IL23R: variants seen among roughly 807,000 people sequenced by gnomAD.
IL23R encodes interleukin-23 receptor.
In IL23R, 34 loss-of-function variants were observed where a neutral mutation model predicts 56.9. The observed-to-expected ratio is 0.60, with a 90% CI of 0.45 to 0.80. IL23R has a LOEUF of 0.80. Ranked by LOEUF, IL23R falls within the 30% of genes least tolerant of loss-of-function variation. The pLI is 0.00. For missense variants in IL23R, 635 were observed against 730.0 expected (o/e 0.87, Z 1.50); for synonymous variants, 230 against 249.2 (o/e 0.92, Z 0.73).
chr1:67,241,365 C>T (rs936623245), intron 9 of IL23R, among the ~76,000 whole-genome samples: 2 of 152,170 alleles, frequency 1.3e-5, no homozygotes, highest in Non-Finnish European at 2.9e-5. Context: ...CTATGTGTTT[C>T]CTTAAAGTCT....
chr1:67,139,166 G>A (rs1646611447), intron 1 of IL23R: 1 of 152,300 alleles, frequency 6.6e-6, no homozygotes, highest in Non-Finnish European at 1.5e-5. Context: ...GATCCAGTAA[G>A]TTCTCTTTGT....
intron 7 of IL23R, among the ~76,000 whole-genome samples, chr1:67,233,832 A>T (rs1482095005): frequency 6.6e-6 from 1 of 150,594 alleles, no homozygotes; most frequent in Non-Finnish European, 1.5e-5. Flanking sequence ...CAAACACCAA[A>T]TACAGTAAGA....
At chr1:67,169,239 T>C in intron 2 of IL23R, 103 bp from the exon 3 acceptor site, 1 of 883,212 alleles carries the variant, frequency 1.1e-6, no homozygotes, top group Non-Finnish European at 1.8e-6. Flanking sequence ...ATGGAATCAT[T>C]TAGTTAATAG....
At chr1:67,197,857 G>C (rs1648281956) in intron 4 of IL23R, among the ~76,000 whole-genome samples, 1 of 151,998 alleles carries the variant, frequency 6.6e-6, no homozygotes, top group Admixed American at 6.6e-5. Flanking sequence ...GACCTCCTGA[G>C]CCTGGGAGGT....
chr1:67,173,476 G>A (rs992600155), intron 3 of IL23R, among the ~76,000 whole-genome samples: 2 of 151,994 alleles, frequency 1.3e-5, no homozygotes, highest in African/African-American at 4.8e-5. Flanking sequence ...AATCAATGAG[G>A]GACCACAACT....
chr1:67,205,908 T>TTTCC (rs1648990968), intron 5 of IL23R, among the ~76,000 whole-genome samples: 1 of 122,610 alleles, frequency 8.2e-6, no homozygotes, highest in South Asian at 2.5e-4. Context: ...TCTTTCTTTC[T>TTTCC]TTCTTTCTTT....
chr1:67,207,197 T>C, intron 6 of IL23R, 142 bp downstream of exon 6: 1 of 970,272 alleles, frequency 1.0e-6, no homozygotes, highest in Non-Finnish European at 1.6e-6. Context: ...CTTTAGTTTT[T>C]GTTTTATAAT....
chr1:67,153,390 A>G (rs931855946), intron 1 of IL23R, among the ~76,000 whole-genome samples: 9 of 151,918 alleles, frequency 5.9e-5, no homozygotes, highest in Non-Finnish European at 1.5e-5. Context: ...AATTTTTCAG[A>G]AAATCAGCTC....
At chr1:67,166,609 AGTT>A (rs1336999424) in intron 1 of IL23R, 68 bp downstream of exon 1, 16 of 152,378 alleles carry the variant, frequency 1.1e-4, no homozygotes, top group Admixed American at 1.0e-3. Context: ...ACATGGGCCA[AGTT>A]GTTTTCTCTT....
chr1:67,237,251 G>A (rs1651544106), intron 8 of IL23R, among the ~76,000 whole-genome samples: 1 of 152,134 alleles, frequency 6.6e-6, no homozygotes, highest in Admixed American at 6.5e-5. Flanking sequence ...ATGTTAGCCA[G>A]ACTGGTCTTG....
chr1:67,203,172 T>G (rs377401235), intron 5 of IL23R, among the ~76,000 whole-genome samples: 1 of 152,234 alleles, frequency 6.6e-6, no homozygotes, highest in South Asian at 2.1e-4. Context: ...TCAATTTATT[T>G]AGCACCTTCT....
At chr1:67,259,965 G>GAAAAAAAAAAAAAAAAAAAAAAAAAA (rs372460431) in exon 11 of IL23R, 1 of 76,076 alleles carries the variant, frequency 1.3e-5, no homozygotes, top group African/African-American at 6.0e-5. Flanking sequence ...ACTCTGTCTG[G>GAAAAAAAAAAAAAAAAAAAAAAAAAA]AAAAAAAAAA....
intron 7 of IL23R, among the ~76,000 whole-genome samples, chr1:67,233,222 C>T (rs1374332442): frequency 7.1e-6 from 1 of 140,530 alleles, no homozygotes; most frequent in Non-Finnish European, 1.5e-5. Flanking sequence ...AAAAAAAAGC[C>T]ACGCGTGGTG....
chr1:67,258,561 C>T lies in IL23R; in HGVS notation c.1323C>T (p.Phe441=). 6.2e-7 allele frequency: 1 copy of T among 1,609,106 alleles called. No individual in the cohort carries two copies. Among genetic ancestry groups the T allele is most frequent in the Non-Finnish European group, 8.5e-7 (1 of 1,177,836 alleles). ...TGATTACAGAGATAAAAGAAATCTT[C>T]ATCCCAGAACACAAGCCTACAGACT... ...DPMITEIKEI[F]IPEHKPTDYK... is the part of the protein sequence containing the mutation. Residue 441 remains phenylalanine (F), a synonymous_variant, in exon 11 of 11, where the codon TTC becomes TTT. Coordinates refer to ENST00000347310, the MANE Select transcript of IL23R (RefSeq NM_144701.3).
At chr1:67,200,083 CT>C (rs1056427004) in intron 4 of IL23R, among the ~76,000 whole-genome samples, 2 of 152,152 alleles carry the variant, frequency 1.3e-5, no homozygotes, top group African/African-American at 4.8e-5. Flanking sequence ...TCTGTCGCCC[CT>C]GCTGGAGTGC....
chr1:67,218,346 G>GTATATA (rs1375633931), intron 6 of IL23R, among the ~76,000 whole-genome samples: 6 of 141,202 alleles, frequency 4.2e-5, no homozygotes, highest in African/African-American at 1.6e-4. Flanking sequence ...GTGTGTGTGT[G>GTATATA]TGTGTGTGTG....
chr1:67,147,730 A>G (rs1646692593), intron 1 of IL23R, among the ~76,000 whole-genome samples: 1 of 152,146 alleles, frequency 6.6e-6, no homozygotes, highest in South Asian at 2.1e-4. Flanking sequence ...TGTAGGGGCT[A>G]ACTAGTTCTC....
Position 67,219,646 on chromosome 1 carries a change from G to T in IL23R, c.871G>T (p.Val291Leu). The change falls in exon 7 of 11, where the codon GTA (valine) becomes TTA (leucine). Residue 291 changes from valine to leucine, a missense_variant. Coordinates refer to ENST00000347310, the MANE Select transcript of IL23R (RefSeq NM_144701.3). ...CTACTTGGAGCCAAACATTAAGTACGTATTTCAAGTGAGATGTCAAGAAAC... is the reference window on the plus strand; with the variant it reads ...CTACTTGGAGCCAAACATTAAGTACTTATTTCAAGTGAGATGTCAAGAAAC... ...EFYLEPNIKY[V>L]FQVRCQETGK... 1 of 1,613,970 alleles carries T rather than the reference G, an allele frequency of 6.2e-7. No homozygotes were observed. Among genetic ancestry groups the T allele is most frequent in the Non-Finnish European group, 8.5e-7 (1 of 1,179,862 alleles).
At chr1:67,139,306 G>T (rs1453843990) in intron 1 of IL23R, 1 of 152,146 alleles carries the variant, frequency 6.6e-6, no homozygotes, top group Non-Finnish European at 1.5e-5. Flanking sequence ...GCTGGTCTGA[G>T]AAGTAAATGA....
Sources: gnomAD v4.1 joint callset for allele counts (sites outside exome capture counted in the v4.1 genomes callset) on GRCh38, gnomAD v4.1.1 for gene constraint, MANE v1.5 for transcripts, NCBI Gene and HGNC (gene_info 2026-07-23, HGNC 2026-07-21) for gene names.